The following STX18 variants were observed in gnomAD, a reference collection of about 807,000 sequenced individuals.
STX18 encodes the protein syntaxin 18, also known as syntaxin-18.
STX18 carries 40 observed loss-of-function variants against 50.1 expected under a neutral mutation model. The ratio of observed to expected loss-of-function variants is 0.80; its 90% CI spans 0.62 to 1.04. The LOEUF (loss-of-function observed/expected upper bound fraction) is 1.04, where lower values mean the gene tolerates loss of function less well. Among genes scored for constraint, STX18 ranks in the 50% least tolerant of loss-of-function variants. STX18 has a pLI of 0.00. For synonymous variants in STX18, 158 were observed against 151.8 expected (o/e 1.04, Z -0.30); for missense variants, 410 against 415.8 (o/e 0.99, Z 0.12).
chr4:4,477,199 C>T (rs902335010), intron 1 of STX18, among the ~76,000 whole-genome samples: 11 of 152,084 alleles, frequency 7.2e-5, no homozygotes, highest in African/African-American at 2.4e-4. Flanking sequence ...GCCGAGATCG[C>T]GCCACTGCAC....
At chr4:4,456,172 C>T (rs114230037) in intron 5 of STX18, among the ~76,000 whole-genome samples, 3,268 of 151,762 alleles carry the variant, frequency 0.022, 109 homozygotes, top group African/African-American at 0.074. Context: ...CCCAGCTACT[C>T]GGAAGGCTAA....
In STX18 at chr4:4,489,391, ATTTTTTTTTTTTTTT is replaced by A. The variant is rs34563523; in HGVS notation, c.169-17700_169-17686del. On this transcript the variant is annotated intron_variant, in intron 1 of 10. Transcript: ENST00000306200. ...AGCACTTCAATACACATGCAAAATA[ATTTTTTTTTTTTTTT>A]TTTTTTTTTTTTTTTTTTTTTTTGG... Among the ~76,000 whole-genome samples the A allele has an allele frequency of 4.5e-3, 233 of 51,678 alleles. 2 individuals carry two copies. The highest frequency in any genetic ancestry group is 0.014 in the African/African-American group (204 of 14,548). The allele number at this position is 51,678 out of a possible 152,430, so 33.9% of individuals were successfully genotyped here. A position where few individuals can be genotyped will look rare whatever the true frequency, so the allele number is the denominator to read the frequency against.
chr4:4,459,080 A>G (rs868560053), intron 3 of STX18, among the ~76,000 whole-genome samples: 2 of 151,652 alleles, frequency 1.3e-5, no homozygotes, highest in Non-Finnish European at 2.9e-5. Context: ...ACACACACAC[A>G]CACACACACA....
chr4:4,452,144 T>C (rs1337420706), intron 5 of STX18, among the ~76,000 whole-genome samples: 3 of 152,180 alleles, frequency 2.0e-5, no homozygotes, highest in African/African-American at 4.8e-5. Flanking sequence ...CGCAAGGCCC[T>C]AACTCTCTTC....
chr4:4,489,856 T>C (rs969314715), intron 1 of STX18, among the ~76,000 whole-genome samples: 5 of 152,242 alleles, frequency 3.3e-5, no homozygotes, highest in African/African-American at 1.2e-4. Flanking sequence ...ACTCAAATTA[T>C]ATCTTTTCAT....
chr4:4,447,631 A>G (rs1419889514), intron 5 of STX18, among the ~76,000 whole-genome samples: 1 of 130,792 alleles, frequency 7.6e-6, no homozygotes, highest in African/African-American at 3.1e-5. Flanking sequence ...AAAAAAAAAA[A>G]AAATGGGGCT....
At chr4:4,495,569 T>C (rs1017655031) in intron 1 of STX18, among the ~76,000 whole-genome samples, 1 of 102,304 alleles carries the variant, frequency 9.8e-6, no homozygotes, top group Non-Finnish European at 2.3e-5. Context: ...TTTTCTTTTT[T>C]TTTTTTTTTT....
intron 1 of STX18, chr4:4,499,455 AC>A (rs1729336136): frequency 2.0e-6 from 2 of 981,470 alleles, no homozygotes; most frequent in Non-Finnish European, 2.4e-6. Flanking sequence ...GGAAAAACTT[AC>A]CTTTTAGAAA....
intron 6 of STX18, among the ~76,000 whole-genome samples, chr4:4,436,830 T>C (rs931535949): frequency 6.6e-6 from 1 of 152,234 alleles, no homozygotes; most frequent in African/African-American, 2.4e-5. Flanking sequence ...ACGGGTCTTC[T>C]TTACTGACTA....
At chr4:4,470,677 C>T (rs1727865666) in intron 2 of STX18, among the ~76,000 whole-genome samples, 1 of 152,112 alleles carries the variant, frequency 6.6e-6, no homozygotes, top group Non-Finnish European at 1.5e-5. Context: ...GGAAGAGGGA[C>T]TATTAAGTTG....
chr4:4,454,919 T>A (rs903052266), intron 5 of STX18, among the ~76,000 whole-genome samples: 1 of 152,246 alleles, frequency 6.6e-6, no homozygotes, highest in African/African-American at 2.4e-5. Flanking sequence ...TGGTAGATAA[T>A]AGTACAAATT....
chr4:4,528,682 G>T (rs1316816291), intron 1 of STX18, among the ~76,000 whole-genome samples: 1 of 152,226 alleles, frequency 6.6e-6, no homozygotes, highest in African/African-American at 2.4e-5. Context: ...AGGCCCCCAG[G>T]TACTAGGAGA....
At chr4:4,505,996 A>G (rs1056240225) in intron 1 of STX18, among the ~76,000 whole-genome samples, 1 of 152,198 alleles carries the variant, frequency 6.6e-6, no homozygotes, top group Non-Finnish European at 1.5e-5. Flanking sequence ...AGCAGGTACC[A>G]GTACTTCATT....
chr4:4,488,037 A>T (rs928443944), intron 1 of STX18, among the ~76,000 whole-genome samples: 5 of 151,542 alleles, frequency 3.3e-5, no homozygotes, highest in Admixed American at 6.6e-5. Flanking sequence ...TTTTTTTTTT[A>T]AATGTGGAAT....
At chr4:4,520,011 G>A (rs1306692516) in intron 1 of STX18, among the ~76,000 whole-genome samples, 4 of 152,086 alleles carry the variant, frequency 2.6e-5, no homozygotes, top group Non-Finnish European at 5.9e-5. Flanking sequence ...ACTTAAACCT[G>A]TTCATAATTA....
At chr4:4,517,686 A>T (rs570718506) in intron 1 of STX18, among the ~76,000 whole-genome samples, 8 of 152,348 alleles carry the variant, frequency 5.3e-5, no homozygotes, top group Admixed American at 3.9e-4. Context: ...CACTAATTTC[A>T]AAAGAAGATA....
chr4:4,478,222 G>A (rs1259116178), intron 1 of STX18, among the ~76,000 whole-genome samples: 1 of 140,336 alleles, frequency 7.1e-6, no homozygotes, highest in Non-Finnish European at 1.5e-5. Flanking sequence ...CAGAAAGATC[G>A]GCAAAAAAAA....
chr4:4,526,205 C>T (rs2108913637), intron 1 of STX18, among the ~76,000 whole-genome samples: 1 of 152,264 alleles, frequency 6.6e-6, no homozygotes, highest in Admixed American at 6.5e-5. Flanking sequence ...TGAGGGCTCA[C>T]CGTTACTGTG....
At chr4:4,423,957 G>C in intron 8 of STX18, 1 of 273,896 alleles carries the variant, frequency 3.7e-6, no homozygotes, top group Admixed American at 5.0e-5. Flanking sequence ...TCTCTGCCTA[G>C]CCTCATCACC....
Sources: allele counts gnomAD v4.1 joint callset (sites outside exome capture counted in the v4.1 genomes callset), GRCh38; gene constraint gnomAD v4.1.1; transcripts MANE v1.5; gene names NCBI Gene and HGNC (gene_info 2026-07-23, HGNC 2026-07-21).